Variants in NDST4 observed in about 807,000 individuals in gnomAD.
The protein encoded by NDST4 is N-heparan sulfate sulfotransferase 4.
Under a neutral mutation model 100.8 loss-of-function variants are expected in NDST4, and 63 were observed. The observed-to-expected ratio is 0.62, with a 90% confidence interval of 0.51 to 0.77. The LOEUF (loss-of-function observed/expected upper bound fraction) is 0.77. Among genes scored for constraint, NDST4 ranks in the 30% least tolerant of loss-of-function variants. NDST4 has a pLI of 0.00. For synonymous variants in NDST4, 377 were observed against 361.8 expected (o/e 1.04, Z -0.48); for missense variants, 943 against 1,018.4 (o/e 0.93, Z 1.01).
At chr4:114,944,349 GT>G in intron 4 of NDST4, among the ~76,000 whole-genome samples, 1 of 152,238 alleles carries the variant, frequency 6.6e-6, no homozygotes, top group East Asian at 1.9e-4. Context: ...CTGTCAAAGT[GT>G]CCCCAACCCC....
chr4:114,864,145 A>G (rs1008262075), intron 7 of NDST4, among the ~76,000 whole-genome samples: 7 of 152,228 alleles, frequency 4.6e-5, no homozygotes, highest in African/African-American at 1.7e-4. Context: ...CCATGGAATT[A>G]TCAATTCAAG....
chr4:114,845,744 G>T (rs1029974879), intron 10 of NDST4, 79 bp downstream of exon 10: 15 of 1,325,460 alleles, frequency 1.1e-5, no homozygotes, highest in African/African-American at 1.5e-5. Flanking sequence ...ATATGTTTAG[G>T]TTCTATTCTG....
chr4:114,991,770 A>T (rs1025851015), intron 2 of NDST4, among the ~76,000 whole-genome samples: 3 of 152,080 alleles, frequency 2.0e-5, no homozygotes, highest in Admixed American at 2.0e-4. Context: ...TAATGTGCTT[A>T]TATTACAAAC....
intron 2 of NDST4, among the ~76,000 whole-genome samples, chr4:115,013,974 A>G (rs1277667542): frequency 6.6e-6 from 1 of 152,068 alleles, no homozygotes; most frequent in Admixed American, 6.6e-5. Flanking sequence ...TGTGCAAAAG[A>G]CAGAAGGATA....
intron 2 of NDST4, among the ~76,000 whole-genome samples, chr4:115,021,965 A>T (rs575567574): frequency 6.6e-6 from 1 of 151,812 alleles, no homozygotes; most frequent in African/African-American, 2.4e-5. Context: ...ATCTATGCAC[A>T]TTCCATATAT....
intron 2 of NDST4, among the ~76,000 whole-genome samples, chr4:115,055,129 G>T (rs1294256750): frequency 6.6e-6 from 1 of 152,106 alleles, no homozygotes; most frequent in African/African-American, 2.4e-5. Context: ...TAGGTTGTCT[G>T]CCCCTTATGA....
chr4:115,056,452 T>C (rs1728696572), intron 2 of NDST4, among the ~76,000 whole-genome samples: 1 of 152,178 alleles, frequency 6.6e-6, no homozygotes, highest in African/African-American at 2.4e-5. Context: ...GCTAACTTAG[T>C]TTCAAACAAC....
At chr4:114,901,044 G>A (rs532324539) in intron 6 of NDST4, among the ~76,000 whole-genome samples, 4 of 151,546 alleles carry the variant, frequency 2.6e-5, no homozygotes, top group Admixed American at 6.6e-5. Context: ...AATTCTGTAC[G>A]GTGTGTTTTA....
At chr4:115,090,203 A>G (rs115435760) in intron 1 of NDST4, among the ~76,000 whole-genome samples, 1,985 of 151,942 alleles carry the variant, frequency 0.013, 39 homozygotes, top group African/African-American at 0.045. Flanking sequence ...AAGGAAATAT[A>G]TATTTTTACT....
At chr4:114,960,470 G>C (rs535003941) in intron 4 of NDST4, among the ~76,000 whole-genome samples, 1 of 152,060 alleles carries the variant, frequency 6.6e-6, no homozygotes, top group Non-Finnish European at 1.5e-5. Flanking sequence ...GCTGGGTGTG[G>C]TGGCAGGTGC....
intron 7 of NDST4, among the ~76,000 whole-genome samples, chr4:114,853,356 T>C (rs1723720630): frequency 6.6e-6 from 1 of 152,112 alleles, no homozygotes; most frequent in Non-Finnish European, 1.5e-5. Context: ...TCCTGAGCTC[T>C]AGACTTAAGG....
intron 2 of NDST4, among the ~76,000 whole-genome samples, chr4:115,054,498 A>G (rs1419340109): frequency 6.6e-6 from 1 of 152,210 alleles, no homozygotes; most frequent in Non-Finnish European, 1.5e-5. Context: ...ATCATTATAA[A>G]AAGTGCAATG....
At chr4:115,036,652 T>C (rs1728238974) in intron 2 of NDST4, among the ~76,000 whole-genome samples, 1 of 151,910 alleles carries the variant, frequency 6.6e-6, no homozygotes, top group South Asian at 2.1e-4. Flanking sequence ...CACTCTGAGT[T>C]TTTTGTTGCA....
intron 10 of NDST4, among the ~76,000 whole-genome samples, chr4:114,842,456 A>T (rs1723445259): frequency 6.6e-6 from 1 of 151,796 alleles, no homozygotes; most frequent in South Asian, 2.1e-4. Context: ...CAGTGTGTCT[A>T]CGAACTCGGA....
At chr4:114,903,231 G>GT (rs1253638320) in intron 6 of NDST4, among the ~76,000 whole-genome samples, 1 of 152,062 alleles carries the variant, frequency 6.6e-6, no homozygotes. Flanking sequence ...GGTTAGGCTA[G>GT]TTAAATATTT....
chr4:115,031,746 A>G (rs1465505698), intron 2 of NDST4, among the ~76,000 whole-genome samples: 1 of 152,068 alleles, frequency 6.6e-6, no homozygotes, highest in African/African-American at 2.4e-5. Context: ...TTTACTCTGG[A>G]GCTTCCTTAG....
At chr4:115,003,551 T>C (rs1427475573) in intron 2 of NDST4, among the ~76,000 whole-genome samples, 2 of 152,130 alleles carry the variant, frequency 1.3e-5, no homozygotes, top group Non-Finnish European at 2.9e-5. Flanking sequence ...AGAATAAATT[T>C]AAAGACTGTA....
At chr4:115,028,711 T>C (rs140481696) in intron 2 of NDST4, among the ~76,000 whole-genome samples, 2 of 152,256 alleles carry the variant, frequency 1.3e-5, no homozygotes, top group East Asian at 3.9e-4. Flanking sequence ...TTGAAAAGAC[T>C]AATTATGAAT....
Position 114,827,951 on chromosome 4 carries a change from G to T in NDST4, c.2500-16C>A. Reference sequence around the variant, plus strand: ...ACGTTCTAGACTGGAAAGAAAAAAAGAAGAACTTGAAAGAAGCTCTTTGTT... The same window carrying T: ...ACGTTCTAGACTGGAAAGAAAAAAATAAGAACTTGAAAGAAGCTCTTTGTT... On this transcript the variant is annotated splice_polypyrimidine_tract_variant and intron_variant, in intron 13 of 13. Transcript: ENST00000264363. 1.3e-6 allele frequency: 2 copies of T among 1,577,038 alleles called. No homozygotes were observed. The highest frequency in any genetic ancestry group is 8.6e-7 in the Non-Finnish European group (1 of 1,169,014).
Sources: allele counts gnomAD v4.1 joint callset (sites outside exome capture counted in the v4.1 genomes callset), GRCh38; gene constraint gnomAD v4.1.1; transcripts MANE v1.5; gene names NCBI Gene and HGNC (gene_info 2026-07-23, HGNC 2026-07-21).